Variants in SGMS1 observed in about 807,000 individuals in gnomAD.
SGMS1 encodes phosphatidylcholine:ceramide cholinephosphotransferase 1.
SGMS1 carries 13 observed loss-of-function variants against 46.2 expected under a neutral mutation model. The ratio of observed to expected loss-of-function variants is 0.28; its 90% CI spans 0.18 to 0.45. The LOEUF is 0.45. Among genes scored for constraint, SGMS1 ranks in the 20% least tolerant of loss-of-function variants. The probability of loss-of-function intolerance (pLI) is 1.00; values close to 1 mark genes in which losing one functional copy is unlikely to be tolerated. For missense variants in SGMS1, 324 were observed against 519.9 expected, an observed-to-expected ratio of 0.62 and a Z score of 3.66; for synonymous variants, 203 against 187.8, an observed-to-expected ratio of 1.08 and a Z score of -0.66.
rs143713324 is a variant in SGMS1, at chr10:50,574,963, G to GTATATATATATATATATATATATATA, written c.-589+15189_-589+15190insTATATATATATATATATATATATATA. Among the ~76,000 whole-genome samples, 374 of 99,664 alleles carry GTATATATATATATATATATATATATA rather than the reference G, an allele frequency of 3.8e-3. 6 individuals carry two copies. Among genetic ancestry groups the GTATATATATATATATATATATATATA allele is most frequent in the East Asian group, 7.3e-3 (15 of 2,042 alleles). The allele number at this position is 99,664 out of a possible 152,430, so 65.4% of individuals were successfully genotyped here. On this transcript the variant is annotated intron_variant, in intron 2 of 10. Transcript: ENST00000361781. ...AAACATTTTAAAAGGAAAATGTGGT[G>GTATATATATATATATATATATATATA]TATATATATATATATATATATAAAA...
At chr10:50,605,102 C>CT (rs753469663) in intron 1 of SGMS1, among the ~76,000 whole-genome samples, 1 of 151,300 alleles carries the variant, frequency 6.6e-6, no homozygotes, top group Non-Finnish European at 1.5e-5. Flanking sequence ...AAAAAAGCAC[C>CT]TACAGACATG....
At chr10:50,431,774 C>A (rs1849406682) in intron 6 of SGMS1, among the ~76,000 whole-genome samples, 1 of 151,968 alleles carries the variant, frequency 6.6e-6, no homozygotes, top group African/African-American at 2.4e-5. Context: ...AGCACCACTA[C>A]CTGAAGGAAT....
chr10:50,481,131 T>G (rs535443483), intron 3 of SGMS1, among the ~76,000 whole-genome samples: 2 of 152,210 alleles, frequency 1.3e-5, no homozygotes, highest in African/African-American at 2.4e-5. Flanking sequence ...GTCCGAGCAG[T>G]CTGGACCAAG....
intron 6 of SGMS1, among the ~76,000 whole-genome samples, chr10:50,429,778 C>G (rs1386703225): frequency 6.6e-6 from 1 of 151,076 alleles, no homozygotes; most frequent in Non-Finnish European, 1.5e-5. Flanking sequence ...TTGTTTATGT[C>G]CTGGTTAGTT....
chr10:50,394,382 A>G (rs1848815159), intron 6 of SGMS1, among the ~76,000 whole-genome samples: 1 of 152,242 alleles, frequency 6.6e-6, no homozygotes, highest in African/African-American at 2.4e-5. Flanking sequence ...AGGGAATGGC[A>G]TAAGTGATTT....
At chr10:50,447,367 C>T (rs1291563766) in intron 5 of SGMS1, among the ~76,000 whole-genome samples, 2 of 151,956 alleles carry the variant, frequency 1.3e-5, no homozygotes, top group Non-Finnish European at 2.9e-5. Flanking sequence ...AAATAATTAC[C>T]TTAAAGTATA....
intron 7 of SGMS1, chr10:50,340,470 T>C (rs1847799243): frequency 6.6e-6 from 1 of 152,144 alleles, no homozygotes; most frequent in Non-Finnish European, 1.5e-5. Flanking sequence ...CAATTCTAAA[T>C]GGGGAGACAA....
chr10:50,354,969 T>C (rs1382297102), intron 6 of SGMS1, among the ~76,000 whole-genome samples: 1 of 152,086 alleles, frequency 6.6e-6, no homozygotes, highest in African/African-American at 2.4e-5. Context: ...TGTGGAGAAA[T>C]AGGAACACTT....
chr10:50,324,789 A>G (rs1183967046), intron 8 of SGMS1, among the ~76,000 whole-genome samples: 2 of 152,240 alleles, frequency 1.3e-5, no homozygotes, highest in African/African-American at 4.8e-5. Context: ...CACCACAAAG[A>G]AACAAATGGA....
At chr10:50,434,536 T>TA (rs1849448196) in intron 5 of SGMS1, among the ~76,000 whole-genome samples, 1 of 152,078 alleles carries the variant, frequency 6.6e-6, no homozygotes, top group Admixed American at 6.6e-5. Context: ...AACCTCAAGT[T>TA]ACCCAAAGCA....
At chr10:50,618,992 A>G (rs1464444814) in intron 1 of SGMS1, among the ~76,000 whole-genome samples, 1 of 152,060 alleles carries the variant, frequency 6.6e-6, no homozygotes, top group Non-Finnish European at 1.5e-5. Context: ...TCTCAACCAG[A>G]TCATTAAGAA....
chr10:50,577,208 T>C (rs1838393183), intron 2 of SGMS1, among the ~76,000 whole-genome samples: 1 of 152,188 alleles, frequency 6.6e-6, no homozygotes, highest in South Asian at 2.1e-4. Context: ...ACAACTGTGA[T>C]GATCAACGGG....
At chr10:50,597,541 CA>C in intron 1 of SGMS1, among the ~76,000 whole-genome samples, 1 of 152,260 alleles carries the variant, frequency 6.6e-6, no homozygotes, top group African/African-American at 2.4e-5. Flanking sequence ...ATCCCACTTA[CA>C]TAATAGTCTT....
chr10:50,317,441 A>G (rs72801724), intron 8 of SGMS1, among the ~76,000 whole-genome samples: 53 of 152,306 alleles, frequency 3.5e-4, no homozygotes, highest in Non-Finnish European at 6.3e-4. Flanking sequence ...GCCCATTTAA[A>G]AGAGTGGCTT....
chr10:50,466,375 T>C (rs1434468878), intron 4 of SGMS1, among the ~76,000 whole-genome samples: 1 of 152,086 alleles, frequency 6.6e-6, no homozygotes, highest in East Asian at 1.9e-4. Flanking sequence ...AAAGCAGTTC[T>C]ACAAATTGTT....
At chr10:50,477,574 G>A (rs1837438628) in intron 3 of SGMS1, among the ~76,000 whole-genome samples, 1 of 152,084 alleles carries the variant, frequency 6.6e-6, no homozygotes, top group Non-Finnish European at 1.5e-5. Context: ...AGGAGCCAGG[G>A]GCAGAATGAT....
chr10:50,355,355 G>A (rs1286450403), intron 6 of SGMS1, among the ~76,000 whole-genome samples: 3 of 152,164 alleles, frequency 2.0e-5, no homozygotes, highest in African/African-American at 4.8e-5. Context: ...CCGCCATCTC[G>A]GCTCACTGCA....
chr10:50,490,848 G>A (rs1042991981), intron 3 of SGMS1, among the ~76,000 whole-genome samples: 6 of 152,114 alleles, frequency 3.9e-5, no homozygotes, highest in Non-Finnish European at 7.4e-5. Flanking sequence ...GTGCTCAGTG[G>A]GTGCTCCCAC....
In SGMS1 at chr10:50,306,917, A is replaced by C. The variant is rs1392718066; in HGVS notation, c.*225T>G. The C allele has an allele frequency of 2.6e-6, 1 of 389,470 alleles. No homozygotes were observed. Among genetic ancestry groups the C allele is most frequent in the African/African-American group, 2.0e-5 (1 of 48,790 alleles). The allele number at this position is 389,470 out of a possible 1,614,324, so 24.1% of individuals were successfully genotyped here. ...TGTAAATCCCAAACTTATGAACAGG[A>C]AATGTGTACAGTGCATGATAGGTTA... On this transcript the variant is annotated 3_prime_UTR_variant, in exon 11 of 11. Coordinates refer to ENST00000361781, the MANE Select transcript of SGMS1 (RefSeq NM_147156.4).
Sources: allele counts gnomAD v4.1 joint callset (sites outside exome capture counted in the v4.1 genomes callset), GRCh38; gene constraint gnomAD v4.1.1; transcripts MANE v1.5; gene names NCBI Gene and HGNC (gene_info 2026-07-23, HGNC 2026-07-21).